ERC2: variants seen among roughly 807,000 people sequenced by gnomAD.
The protein encoded by ERC2 is ELKS/RAB6-interacting/CAST family member 2.
A neutral mutation model predicts 114.8 loss-of-function variants in ERC2; 42 were observed. The observed-to-expected ratio is 0.37, with a 90% CI of 0.29 to 0.47. ERC2 has a LOEUF of 0.47. Ranked by LOEUF, ERC2 falls within the 20% of genes least tolerant of loss-of-function variation. ERC2 has a pLI of 0.99. For synonymous variants in ERC2, 454 were observed against 425.5 expected, an observed-to-expected ratio of 1.07 and a Z score of -0.82; for missense variants, 939 against 1,150.7, an observed-to-expected ratio of 0.82 and a Z score of 2.66.
Position 56,198,001 on chromosome 3 carries a change from T to C in ERC2, c.1075-24481A>G, listed in dbSNP as rs74864246. Among the ~76,000 whole-genome samples, 117 of 152,254 alleles carry C rather than the reference T, an allele frequency of 7.7e-4. No individual in the cohort carries two copies. The East Asian group carries it at 0.02, about 26-fold the overall frequency. On this transcript the variant is annotated intron_variant, in intron 3 of 17. Coordinates refer to ENST00000288221, the MANE Select transcript of ERC2 (RefSeq NM_015576.3). ...ACACGTAGTTAACTATAATCATACATTGTAGGAACTAAGAGGAATAAACAT... is the reference window on the plus strand; with the variant it reads ...ACACGTAGTTAACTATAATCATACACTGTAGGAACTAAGAGGAATAAACAT...
At position 56,434,644 on chromosome 3, in the gene ERC2, C is replaced by T; in HGVS notation, c.364G>A (p.Gly122Ser). ...TDVLSYTDQH[G>S]GLTGSSHHHH... is the part of the protein sequence containing the mutation. ...TGATGGGATGAGCCAGTCAGCCCAC[C>T]ATGTTGATCTGTGTATGAAAGGACA... The change falls in exon 2 of 18, where the codon GGT becomes AGT. Residue 122 changes from glycine to serine, a missense_variant. Transcript: ENST00000288221. 6.2e-7 allele frequency: 1 copy of T among 1,613,962 alleles called. No individual in the cohort carries two copies. Among genetic ancestry groups the T allele is most frequent in the Non-Finnish European group, 8.5e-7 (1 of 1,179,892 alleles).
chr3:55,889,172 T>C (rs2063495727), intron 13 of ERC2, among the ~76,000 whole-genome samples: 2 of 152,206 alleles, frequency 1.3e-5, no homozygotes, highest in South Asian at 2.1e-4. Flanking sequence ...CTTTTGTGTG[T>C]AGGCCCCAGA....
At chr3:55,552,456 CT>C (rs2055277782) in intron 17 of ERC2, among the ~76,000 whole-genome samples, 1 of 152,206 alleles carries the variant, frequency 6.6e-6, no homozygotes, top group East Asian at 1.9e-4. Context: ...TTTGAGGCGT[CT>C]GGACTTTTGC....
chr3:55,799,450 C>CATATATATATATATATATATAT (rs59209006), intron 14 of ERC2, among the ~76,000 whole-genome samples: 2 of 106,206 alleles, frequency 1.9e-5, no homozygotes, highest in African/African-American at 8.6e-5. Flanking sequence ...TATATATATG[C>CATATATATATATATATATATAT]ATATATATAT....
chr3:56,003,993 T>C (rs1391029774), intron 10 of ERC2, among the ~76,000 whole-genome samples: 1 of 152,072 alleles, frequency 6.6e-6, no homozygotes, highest in Non-Finnish European at 1.5e-5. Flanking sequence ...GTAGAAACTG[T>C]TACTTTGCTT....
At chr3:55,742,186 G>A (rs1026315420) in intron 14 of ERC2, among the ~76,000 whole-genome samples, 8 of 151,812 alleles carry the variant, frequency 5.3e-5, no homozygotes, top group Non-Finnish European at 1.0e-4. Context: ...TTTGAGTGTC[G>A]CCTGTGGCTA....
intron 6 of ERC2, 101 bp from the exon 7 acceptor site, chr3:56,081,085 G>T: frequency 7.8e-7 from 1 of 1,282,142 alleles, no homozygotes. Flanking sequence ...CATGTTTACT[G>T]AGCAAGGCAC....
intron 17 of ERC2, among the ~76,000 whole-genome samples, chr3:55,537,375 G>A (rs1284997515): frequency 1.3e-5 from 2 of 152,244 alleles, no homozygotes; most frequent in Admixed American, 6.5e-5. Flanking sequence ...ATATCAAAGG[G>A]TGAGATACCA....
intron 15 of ERC2, among the ~76,000 whole-genome samples, chr3:55,723,534 T>G (rs1289810032): frequency 2.0e-5 from 3 of 152,100 alleles, no homozygotes; most frequent in Non-Finnish European, 2.9e-5. Context: ...TTTAGTGTGT[T>G]GCAGAGAATC....
intron 14 of ERC2, among the ~76,000 whole-genome samples, chr3:55,835,446 A>G (rs1013184772): frequency 2.0e-5 from 3 of 152,236 alleles, no homozygotes; most frequent in African/African-American, 7.2e-5. Context: ...GGCTGGTTCA[A>G]TATACTCAAA....
chr3:56,284,431 G>A (rs2054546136), intron 3 of ERC2, among the ~76,000 whole-genome samples: 1 of 152,222 alleles, frequency 6.6e-6, no homozygotes, highest in Non-Finnish European at 1.5e-5. Context: ...AGCAAAGCAT[G>A]TGTGGTCACA....
chr3:55,551,393 G>A (rs1382302396), intron 17 of ERC2, among the ~76,000 whole-genome samples: 1 of 151,884 alleles, frequency 6.6e-6, no homozygotes, highest in East Asian at 1.9e-4. Context: ...CGTGGTTGTG[G>A]GTGCCTGTAA....
chr3:56,344,416 A>G (rs1025235419), intron 2 of ERC2, among the ~76,000 whole-genome samples: 1 of 152,172 alleles, frequency 6.6e-6, no homozygotes, highest in Non-Finnish European at 1.5e-5. Flanking sequence ...CAAAGCTCAC[A>G]ATTACTGTAA....
chr3:55,960,916 C>T (rs2068313854), intron 12 of ERC2, among the ~76,000 whole-genome samples: 1 of 152,226 alleles, frequency 6.6e-6, no homozygotes, highest in African/African-American at 2.4e-5. Flanking sequence ...AGGTGGATCA[C>T]CTGAGGTCAG....
intron 3 of ERC2, among the ~76,000 whole-genome samples, chr3:56,186,182 G>A (rs1330706599): frequency 7.2e-6 from 1 of 139,818 alleles, no homozygotes; most frequent in Non-Finnish European, 1.5e-5. Context: ...TGACCTTGTA[G>A]AACTTGAAGC....
At position 55,713,121 on chromosome 3, in the gene ERC2, T is replaced by A. The variant is rs1306161106; in HGVS notation, c.2713-13609A>T. Among the ~76,000 whole-genome samples, 435 of 113,826 alleles carry A rather than the reference T, an allele frequency of 3.8e-3. 5 individuals carry two copies. Among genetic ancestry groups the A allele is most frequent in the African/African-American group, 0.017 (397 of 24,010 alleles). 74.7% of individuals were successfully genotyped at this position (113,826 alleles called of 152,430 possible). A position where few individuals can be genotyped will look rare whatever the true frequency, so the allele number is the denominator to read the frequency against. ...TTCTCTCTCTCTCTCTCTCTCTCTC[T>A]CTCTCTGTCTCACACACACACACAC... On this transcript the variant is annotated intron_variant, in intron 15 of 17. Transcript: ENST00000288221.
intron 6 of ERC2, among the ~76,000 whole-genome samples, chr3:56,133,023 G>A (rs1350013898): frequency 6.6e-6 from 1 of 152,168 alleles, no homozygotes; most frequent in Non-Finnish European, 1.5e-5. Flanking sequence ...AAGCCTCAGA[G>A]TTATTCATTC....
At chr3:56,314,463 C>A (rs1478140626) in intron 2 of ERC2, among the ~76,000 whole-genome samples, 2 of 126,946 alleles carry the variant, frequency 1.6e-5, no homozygotes, top group African/African-American at 6.2e-5. Flanking sequence ...GCAAACTGTT[C>A]CAGAATGCAG....
chr3:56,439,425 G>A (rs1044095519), intron 1 of ERC2, among the ~76,000 whole-genome samples: 14 of 152,140 alleles, frequency 9.2e-5, no homozygotes, highest in Admixed American at 2.6e-4. Context: ...CAGCCTGGGT[G>A]ACAGAGGGAG....
Sources: allele counts gnomAD v4.1 joint callset (sites outside exome capture counted in the v4.1 genomes callset), GRCh38; gene constraint gnomAD v4.1.1; transcripts MANE v1.5; gene names NCBI Gene and HGNC (gene_info 2026-07-23, HGNC 2026-07-21).